Variants in AOX1 observed in about 807,000 individuals in gnomAD.
The protein encoded by AOX1 is aldehyde oxidase 1.
AOX1 carries 153 observed loss-of-function variants against 169.5 expected under a neutral mutation model. That is an observed-to-expected ratio of 0.90 (90% confidence interval 0.79 to 1.03). The LOEUF (loss-of-function observed/expected upper bound fraction) is 1.03. Among genes scored for constraint, AOX1 ranks in the 50% least tolerant of loss-of-function variants. The pLI is 0.00. For synonymous variants in AOX1, 562 were observed against 581.9 expected, an observed-to-expected ratio of 0.97 and a Z score of 0.49; for missense variants, 1,656 against 1,663.9, an observed-to-expected ratio of 1.00 and a Z score of 0.08.
chr2:200,674,903 A>T (rs2036075031), downstream of AOX1, among the ~76,000 whole-genome samples: 1 of 152,214 alleles, frequency 6.6e-6, no homozygotes, highest in South Asian at 2.1e-4. Context: ...GCAAGATCTT[A>T]GCCATCACCA....
chr2:200,642,868 C>T (rs2035381219), intron 25 of AOX1, 67 bp downstream of exon 25: 3 of 1,478,328 alleles, frequency 2.0e-6, no homozygotes, highest in Non-Finnish European at 2.7e-6. Flanking sequence ...CTTTGGGGGC[C>T]ATTCAGGTTG....
intron 20 of AOX1, among the ~76,000 whole-genome samples, chr2:200,627,821 CACA>C (rs2035038200): frequency 1.3e-5 from 2 of 152,248 alleles, no homozygotes; most frequent in Non-Finnish European, 1.5e-5. Flanking sequence ...ACCAAGGTCA[CACA>C]ACAACTACTA....
At chr2:200,593,776 C>A (rs2034223422) in intron 2 of AOX1, among the ~76,000 whole-genome samples, 1 of 151,964 alleles carries the variant, frequency 6.6e-6, no homozygotes, top group Admixed American at 6.6e-5. Context: ...AGTAAAATTA[C>A]CAAAAGAGTA....
At chr2:200,637,404 A>C (rs556623644) in intron 22 of AOX1, among the ~76,000 whole-genome samples, 1 of 152,150 alleles carries the variant, frequency 6.6e-6, no homozygotes, top group Non-Finnish European at 1.5e-5. Context: ...ACATACACAC[A>C]TATATATTTA....
At chr2:200,605,274 G>A (rs1408095280) in intron 9 of AOX1, among the ~76,000 whole-genome samples, 3 of 152,166 alleles carry the variant, frequency 2.0e-5, no homozygotes, top group Non-Finnish European at 1.5e-5. Flanking sequence ...TTGAGGAGCA[G>A]CCCCTAGAGT....
chr2:200,623,603 T>A (rs1336198873), intron 18 of AOX1, among the ~76,000 whole-genome samples: 1 of 152,260 alleles, frequency 6.6e-6, no homozygotes, highest in African/African-American at 2.4e-5. Flanking sequence ...AGGCTTGGCC[T>A]GGAGCCTGAG....
At position 200,662,903 on chromosome 2, in the gene AOX1, C is replaced by T. The variant is rs756323660; in HGVS notation, c.3477C>T (p.Phe1159=). Residue 1159 remains phenylalanine, a synonymous_variant, in exon 31 of 35, where the codon TTC becomes TTT. Coordinates refer to ENST00000374700, the MANE Select transcript of AOX1 (RefSeq NM_001159.4). ...GGGAGAAAGGCGAAGGCCAGCCCTT[C>T]GAATACTTTGTTTATGGAGCTGCCT... ...MNWEKGEGQP[F]EYFVYGAACS... 9.3e-6 allele frequency: 15 copies of T among 1,613,918 alleles called. No homozygotes were observed. Among genetic ancestry groups the T allele is most frequent in the Non-Finnish European group, 5.9e-6 (7 of 1,179,952 alleles).
At chr2:200,612,447 G>T (rs1210838600) in intron 13 of AOX1, among the ~76,000 whole-genome samples, 162 bp from the exon 14 acceptor site, 1 of 152,162 alleles carries the variant, frequency 6.6e-6, no homozygotes, top group Non-Finnish European at 1.5e-5. Context: ...ATACCGTCCA[G>T]CACGTAGGTG....
chr2:200,612,190 G>A (rs1159578158), intron 13 of AOX1, among the ~76,000 whole-genome samples: 1 of 152,154 alleles, frequency 6.6e-6, no homozygotes, highest in Non-Finnish European at 1.5e-5. Context: ...AAAACATGAG[G>A]CTTTGCATGA....
In AOX1 at chr2:200,663,300, T is replaced by A. The variant is rs951972015; in HGVS notation, c.3543+331T>A. On this transcript the variant is annotated intron_variant, in intron 31 of 34. Coordinates refer to ENST00000374700, the MANE Select transcript of AOX1 (RefSeq NM_001159.4). ...AGCAATTCTGACTTTTTATGAGAAA[T>A]GCCAAGATATGACATTCTTGAAGGA... Among the ~76,000 whole-genome samples the A allele has an allele frequency of 3.0e-4, 46 of 152,188 alleles. 1 individual carries two copies. Among genetic ancestry groups the A allele is most frequent in the Admixed American group, 6.5e-4 (10 of 15,284 alleles).
At chr2:200,630,731 A>T (rs2035108537) in intron 20 of AOX1, among the ~76,000 whole-genome samples, 1 of 152,220 alleles carries the variant, frequency 6.6e-6, no homozygotes, top group African/African-American at 2.4e-5. Context: ...CTTTTGGATT[A>T]TGAGTTTCTC....
intron 33 of AOX1, 39 bp downstream of exon 33, chr2:200,668,842 G>T: frequency 6.4e-7 from 1 of 1,562,448 alleles, no homozygotes; most frequent in South Asian, 1.2e-5. Flanking sequence ...ATGTTTATAT[G>T]ATACCTGTTG....
chr2:200,653,378 T>C (rs2035619228), intron 26 of AOX1, among the ~76,000 whole-genome samples: 2 of 152,214 alleles, frequency 1.3e-5, no homozygotes, highest in South Asian at 4.1e-4. Flanking sequence ...AGGAGGAAAC[T>C]AGACATGATA....
In AOX1 at chr2:200,612,611, G is replaced by A. The variant is rs751491801; in HGVS notation, c.1266G>A (p.Trp422Ter). 8.1e-6 allele frequency: 13 copies of A among 1,613,186 alleles called. No individual in the cohort carries two copies. The highest frequency in any genetic ancestry group is 2.2e-5 in the South Asian group (2 of 91,004). Residue 422 changes from tryptophan to a stop codon, truncating the protein, a stop_gained and splice_region_variant, in exon 14 of 35, where the codon TGG (tryptophan) becomes TGA (stop). Coordinates refer to ENST00000374700, the MANE Select transcript of AOX1 (RefSeq NM_001159.4). LOFTEE classifies it high-confidence loss of function. ...TGCCACTTAACTGTTTCTTTCAGTG[G>A]GAATTTGTGTCAGCCTTCCGACAAG... ...VSVNIPYSRK[W>*]EFVSAFRQAQ...
In AOX1 at chr2:200,615,843, G is replaced by T; in HGVS notation, c.1612-128G>T. On this transcript the variant is annotated intron_variant, in intron 15 of 34. Transcript: ENST00000374700. ...CTTGTATTTCTGGGGTTCTGAATAG[G>T]GTGAGTGCTTAATATACGTGAGACT... 4.5e-6 allele frequency: 3 copies of T among 661,656 alleles called. No individual in the cohort carries two copies. In the South Asian group the frequency reaches 5.6e-5, roughly 12 times the overall value. 41.0% of individuals were successfully genotyped at this position (661,656 alleles called of 1,614,324 possible). A position where few individuals can be genotyped will look rare whatever the true frequency, so the allele number is the denominator to read the frequency against.
At chr2:200,586,231 C>A in intron 1 of AOX1, 78 bp downstream of exon 1, 1 of 1,420,428 alleles carries the variant, frequency 7.0e-7, no homozygotes, top group Admixed American at 2.6e-5. Flanking sequence ...CCGTTCGTCC[C>A]ATCCTTTCGT....
chr2:200,659,786 T>TCACACACACACACACA (rs56916091), intron 28 of AOX1, among the ~76,000 whole-genome samples: 7 of 96,104 alleles, frequency 7.3e-5, no homozygotes, highest in African/African-American at 2.6e-4. Context: ...GTTCTCTCTC[T>TCACACACACACACACA]CACACACACA....
intron 2 of AOX1, 90 bp from the exon 3 acceptor site, chr2:200,595,182 G>A (rs888941872): frequency 7.4e-6 from 6 of 807,602 alleles, no homozygotes; most frequent in Non-Finnish European, 1.2e-5. Context: ...TAACATTTAA[G>A]AGTCTGTGAT....
At chr2:200,635,017 TG>T in intron 21 of AOX1, 102 bp downstream of exon 21, 2 of 1,451,070 alleles carry the variant, frequency 1.4e-6, no homozygotes. Context: ...GAATTTGAGG[TG>T]GGGGGATTGC....
Sources: allele counts gnomAD v4.1 joint callset (sites outside exome capture counted in the v4.1 genomes callset), GRCh38; gene constraint gnomAD v4.1.1; transcripts MANE v1.5; gene names NCBI Gene and HGNC (gene_info 2026-07-23, HGNC 2026-07-21).